LRRC37A2: variants seen among roughly 807,000 people sequenced by gnomAD.
The protein encoded by LRRC37A2 is leucine-rich repeat-containing protein 37A2.
A neutral mutation model predicts 68.8 loss-of-function variants in LRRC37A2; 9 were observed. That is an observed-to-expected ratio of 0.13 (90% CI 0.08 to 0.23). The LOEUF (loss-of-function observed/expected upper bound fraction) is 0.23, where lower values mean the gene tolerates loss of function less well. Ranked by LOEUF, LRRC37A2 falls within the 10% of genes least tolerant of loss-of-function variation. LRRC37A2 has a pLI of 1.00. For synonymous variants in LRRC37A2, 63 were observed against 367.6 expected (o/e 0.17, Z 9.48); for missense variants, 168 against 950.4 (o/e 0.18, Z 10.82).
the LRRC37A2 span, among the ~76,000 whole-genome samples, chr17:46,810,058 A>G: frequency 6.8e-6 from 1 of 146,960 alleles, no homozygotes; most frequent in Admixed American, 6.8e-5. Flanking sequence ...CCAGGCTGGA[A>G]GGCAGTGGTG....
At chr17:46,876,365 C>A in the LRRC37A2 span, 1 of 1,614,026 alleles carries the variant, frequency 6.2e-7, no homozygotes, top group Non-Finnish European at 8.5e-7. Context: ...GCTGAAACTG[C>A]GCTATGACTC....
the LRRC37A2 span, among the ~76,000 whole-genome samples, chr17:46,862,261 A>C: frequency 6.6e-6 from 1 of 152,258 alleles, no homozygotes; most frequent in Non-Finnish European, 1.5e-5. Context: ...ATAAAAATTA[A>C]AAAATTAAAA....
At chr17:46,404,933 T>G in the LRRC37A2 span, among the ~76,000 whole-genome samples, 1 of 102,378 alleles carries the variant, frequency 9.8e-6, no homozygotes, top group Admixed American at 9.8e-5. Flanking sequence ...CTGGACGCAG[T>G]GGCTCACGCC....
At chr17:46,774,167 G>C in the LRRC37A2 span, among the ~76,000 whole-genome samples, 1 of 152,246 alleles carries the variant, frequency 6.6e-6, no homozygotes, top group Non-Finnish European at 1.5e-5. Flanking sequence ...GGGGCCCTTG[G>C]GGGCAATGCA....
At chr17:46,786,635 C>G in the LRRC37A2 span, among the ~76,000 whole-genome samples, 2 of 152,214 alleles carry the variant, frequency 1.3e-5, no homozygotes, top group Admixed American at 6.5e-5. Flanking sequence ...CAGGTAAAGC[C>G]CAGATGCCCT....
the LRRC37A2 span, chr17:47,033,254 A>T: frequency 1.5e-6 from 1 of 646,246 alleles, no homozygotes; most frequent in Non-Finnish European, 2.7e-6. Context: ...AAAAAAAGAA[A>T]GAAAGAAAAG....
At chr17:46,943,856 C>A in the LRRC37A2 span, among the ~76,000 whole-genome samples, 1 of 152,198 alleles carries the variant, frequency 6.6e-6, no homozygotes, top group African/African-American at 2.4e-5. Flanking sequence ...GTAGAGTGAC[C>A]AACTTGTCTG....
At chr17:46,917,844 C>G in the LRRC37A2 span, among the ~76,000 whole-genome samples, 1 of 152,292 alleles carries the variant, frequency 6.6e-6, no homozygotes. Context: ...CAATGTTGTT[C>G]CCCTTTTCTC....
At chr17:46,867,208 G>A in the LRRC37A2 span, among the ~76,000 whole-genome samples, 37 of 152,224 alleles carry the variant, frequency 2.4e-4, no homozygotes, top group African/African-American at 8.2e-4. Context: ...GGGCAGGACC[G>A]TGTCCCAGCA....
chr17:46,978,826 C>T, the LRRC37A2 span: 1 of 1,607,530 alleles, frequency 6.2e-7, no homozygotes, highest in Non-Finnish European at 8.5e-7. Context: ...CACCCACAGG[C>T]TGCGCTCGTC....
At chr17:46,818,739 C>G in the LRRC37A2 span, 4 of 836,598 alleles carry the variant, frequency 4.8e-6, no homozygotes, top group South Asian at 3.1e-5. Context: ...AGCCGCCCCC[C>G]TCCCGAGCCC....
chr17:46,849,154 G>A, the LRRC37A2 span, among the ~76,000 whole-genome samples: 2 of 152,214 alleles, frequency 1.3e-5, no homozygotes, highest in South Asian at 2.1e-4. Context: ...GTGGGGCCAC[G>A]CCATTGGCTG....
At chr17:46,386,147 G>A in the LRRC37A2 span, among the ~76,000 whole-genome samples, 3 of 122,120 alleles carry the variant, frequency 2.5e-5, no homozygotes, top group Admixed American at 1.6e-4. Flanking sequence ...CACACAGGCC[G>A]GAGTGCAGTA....
the LRRC37A2 span, among the ~76,000 whole-genome samples, chr17:46,747,996 G>GT: frequency 6.6e-6 from 1 of 152,136 alleles, no homozygotes; most frequent in South Asian, 2.1e-4. Flanking sequence ...GATTCTGAAA[G>GT]TTTTGTATTA....
At chr17:46,938,752 C>T in the LRRC37A2 span, 2 of 1,613,960 alleles carry the variant, frequency 1.2e-6, no homozygotes, top group Admixed American at 1.7e-5. Flanking sequence ...GGTGCAGTAC[C>T]TGACATGAGC....
At chr17:46,893,106 G>A in the LRRC37A2 span, among the ~76,000 whole-genome samples, 1 of 151,998 alleles carries the variant, frequency 6.6e-6, no homozygotes, top group Non-Finnish European at 1.5e-5. Context: ...GCTAATTTTT[G>A]TATTGTTAGT....
the LRRC37A2 span, chr17:46,763,533 G>C: frequency 6.6e-6 from 1 of 152,168 alleles, no homozygotes; most frequent in South Asian, 2.1e-4. Flanking sequence ...AGTAAGATGG[G>C]TCCGTATTGG....
the LRRC37A2 span, chr17:46,932,613 A>G: frequency 1.1e-5 from 4 of 363,340 alleles, no homozygotes; most frequent in African/African-American, 8.2e-5. Context: ...GTGTGGCTCC[A>G]GTGTCAGGTG....
At chr17:46,823,166 TTA>T in the LRRC37A2 span, among the ~76,000 whole-genome samples, 1 of 128,552 alleles carries the variant, frequency 7.8e-6, no homozygotes, top group African/African-American at 3.1e-5. Flanking sequence ...ATATTATATA[TTA>T]TATATTTATA....
Sources: gnomAD v4.1 joint callset for allele counts (sites outside exome capture counted in the v4.1 genomes callset) on GRCh38, gnomAD v4.1.1 for gene constraint, MANE v1.5 for transcripts, NCBI Gene and HGNC (gene_info 2026-07-23, HGNC 2026-07-21) for gene names.